The following CSF3R variants were observed in gnomAD, a reference collection of about 807,000 sequenced individuals.
CSF3R encodes the protein granulocyte colony-stimulating factor receptor.
In CSF3R, 52 loss-of-function variants were observed where a neutral mutation model predicts 84.4. The observed-to-expected ratio is 0.62, with a 90% CI of 0.49 to 0.78. CSF3R has a LOEUF of 0.78. CSF3R is among the 30% of genes least tolerant of loss of function. CSF3R has a pLI of 0.00. For synonymous variants in CSF3R, 384 were observed against 429.1 expected, an observed-to-expected ratio of 0.89 and a Z score of 1.30; for missense variants, 890 against 1,055.7, an observed-to-expected ratio of 0.84 and a Z score of 2.17.
At position 36,473,827 on chromosome 1, in the gene CSF3R, A is replaced by G. The variant is rs752675815; in HGVS notation, c.422T>C (p.Ile141Thr). Reference protein sequence around the residue: ...CLMNLTTSSLICQWEPGPETH... With the variant: ...CLMNLTTSSLTCQWEPGPETH... ...CTCAGGTCCTGGCTCCCACTGGCAG[A>G]TGAGGCTGCTGGTTGTGAGGTTCAT... Residue 141 changes from isoleucine to threonine, a missense_variant, in exon 5 of 17, where the codon ATC becomes ACC. Transcript: ENST00000373106. The G allele has an allele frequency of 6.2e-7, 1 of 1,614,198 alleles. No homozygotes were observed. Among genetic ancestry groups the G allele is most frequent in the South Asian group, 1.1e-5 (1 of 91,080 alleles).
At position 36,479,008 on chromosome 1, in the gene CSF3R, A is replaced by G. The variant is rs550310379; in HGVS notation, c.64+425T>C. On this transcript the variant is annotated intron_variant, in intron 3 of 16. Coordinates refer to ENST00000373106, the MANE Select transcript of CSF3R (RefSeq NM_000760.4). ...TAGCTTGCATACCCCTGGGGATGGG[A>G]AGTTCTCTACCTCTCAAGACAGAGT... The G allele has an allele frequency of 6.9e-4, 219 of 317,796 alleles. 3 individuals carry two copies. The highest frequency in any genetic ancestry group is 6.0e-3 in the South Asian group (214 of 35,696). 19.7% of individuals were successfully genotyped at this position (317,796 alleles called of 1,614,324 possible).
intron 3 of CSF3R, among the ~76,000 whole-genome samples, chr1:36,478,451 C>G (rs1195352779): frequency 6.6e-6 from 1 of 151,992 alleles, no homozygotes; most frequent in Non-Finnish European, 1.5e-5. Context: ...ATCGCTTGAA[C>G]CCGGCAGGCG....
Position 36,472,498 on chromosome 1 carries a change from A to G in CSF3R, c.843+19T>C, listed in dbSNP as rs926262171. ...CTGCCCCCACCACCTCAGGCTCTCC[A>G]GGTTGCCCTCTGCCTCACCAGTGCC... is the stretch of plus-strand genomic sequence containing the variant. On this transcript the variant is annotated intron_variant, in intron 7 of 16. Transcript: ENST00000373106. The surrounding 1 kb of genome is among the most constrained non-coding windows in gnomAD (Gnocchi z 5.0). 2 of 1,614,076 alleles carry G rather than the reference A, an allele frequency of 1.2e-6. No individual in the cohort carries two copies. Among genetic ancestry groups the G allele is most frequent in the Admixed American group, 1.7e-5 (1 of 60,022 alleles).
Position 36,466,653 on chromosome 1 carries a change from G to A in CSF3R, c.2215C>T (p.Gln739Ter), listed in dbSNP as rs1650335810. 1 of 1,614,064 alleles carries A rather than the reference G, an allele frequency of 6.2e-7. No individual in the cohort carries two copies. The highest frequency in any genetic ancestry group is 1.7e-5 in the Admixed American group (1 of 60,012). Residue 739 changes from glutamine to a stop codon, truncating the protein, a stop_gained, in exon 17 of 17, where the codon CAG (glutamine) becomes TAG (stop). Coordinates refer to ENST00000373106, the MANE Select transcript of CSF3R (RefSeq NM_000760.4). LOFTEE classifies it high-confidence loss of function. This position sits in a 1 kb window ranked among gnomAD's most constrained non-coding sequence, Gnocchi z 4.6. Reference protein sequence around the residue: ...LQGDPRAVSTQPQSQSGTSDQ... With the variant: ...LQGDPRAVST ...CTGGTGCCAGACTGGGATTGGGGCT[G>A]GGTGGAAACTGCTCTTGGGTCCCCC...
At chr1:36,473,739 G>T (rs1024747406) in intron 5 of CSF3R, 25 bp downstream of exon 5, 2 of 1,614,140 alleles carry the variant, frequency 1.2e-6, no homozygotes, top group South Asian at 2.2e-5. Context: ...AAAGGGAGGG[G>T]ACCAAGGTGG....
intron 3 of CSF3R, among the ~76,000 whole-genome samples, chr1:36,478,461 G>A (rs946307031): frequency 2.6e-5 from 4 of 152,044 alleles, no homozygotes; most frequent in Non-Finnish European, 5.9e-5. Flanking sequence ...CCCGGCAGGC[G>A]GAGGTTGCAG....
Position 36,471,386 on chromosome 1 carries a change from T to A in CSF3R, c.1285+47A>T, listed in dbSNP as rs761470441. ...TAACCCAGGCAGTCTAGCCTTTGAA[T>A]TGATGCGCTTGACCTCTGTGCTCTT... On this transcript the variant is annotated intron_variant, in intron 10 of 16. Coordinates refer to ENST00000373106, the MANE Select transcript of CSF3R (RefSeq NM_000760.4). 15 of 1,566,898 alleles carry A rather than the reference T, an allele frequency of 9.6e-6. No homozygotes were observed. The Admixed American group carries it at 2.2e-4, about 23-fold the overall frequency.
At position 36,466,051 on chromosome 1, in the gene CSF3R, A is replaced by T. The variant is rs1650279756; in HGVS notation, c.*306T>A. 8.1e-6 allele frequency: 13 copies of T among 1,613,536 alleles called. No individual in the cohort carries two copies. Among genetic ancestry groups the T allele is most frequent in the African/African-American group, 1.3e-5 (1 of 74,918 alleles). On this transcript the variant is annotated 3_prime_UTR_variant, in exon 17 of 17. Transcript: ENST00000373106. This position sits in a 1 kb window ranked among gnomAD's most constrained non-coding sequence, Gnocchi z 4.6. The stretch of plus-strand genomic sequence containing the variant: ...AATAACAGAGACTCAGGTACACCCA[A>T]GAGTGTCTATAAACAACAACAAAAA...
At chr1:36,469,106 T>G (rs760117125) in intron 12 of CSF3R, 50 bp downstream of exon 12, 1 of 1,354,630 alleles carries the variant, frequency 7.4e-7, no homozygotes, top group South Asian at 1.2e-5. Context: ...AGGCAGAGCC[T>G]TGGGAGAGAG....
At chr1:36,471,900 T>C (rs1315840389) in intron 9 of CSF3R, 166 bp downstream of exon 9, 3 of 752,620 alleles carry the variant, frequency 4.0e-6, no homozygotes, top group Non-Finnish European at 6.7e-6. Flanking sequence ...TTACAGTCTG[T>C]CCAAAAGCTA....
In CSF3R at chr1:36,467,513, T is replaced by C. The variant is rs764186699; in HGVS notation, c.1958+45A>G. The C allele has an allele frequency of 6.3e-7, 1 of 1,582,314 alleles. No homozygotes were observed. The highest frequency in any genetic ancestry group is 8.7e-7 in the Non-Finnish European group (1 of 1,152,382). ...GGGCCCATCTGGACCTGAGGTTCCC[T>C]GTGGGTGGGGGAAGCAGGATCTCAG... is the stretch of plus-strand genomic sequence containing the variant. On this transcript the variant is annotated intron_variant, in intron 15 of 16. Coordinates refer to ENST00000373106, the MANE Select transcript of CSF3R (RefSeq NM_000760.4). This position sits in a 1 kb window ranked among gnomAD's most constrained non-coding sequence, Gnocchi z 4.1.
At chr1:36,477,279 G>A (rs1651212029) in intron 3 of CSF3R, 1 of 151,432 alleles carries the variant, frequency 6.6e-6, no homozygotes, top group Non-Finnish European at 1.5e-5. Context: ...ATTATTTTGA[G>A]AAGGAGTTTC....
intron 10 of CSF3R, 82 bp from the exon 11 acceptor site, chr1:36,469,922 C>G: frequency 2.0e-6 from 3 of 1,486,974 alleles, no homozygotes; most frequent in Non-Finnish European, 2.8e-6. Flanking sequence ...CAAATCCTGG[C>G]TTTGCTATTT....
intron 3 of CSF3R, chr1:36,479,134 C>T (rs1651361276): frequency 8.7e-6 from 4 of 459,822 alleles, no homozygotes; most frequent in African/African-American, 4.0e-5. Context: ...CCCACCAAGG[C>T]TGCATAGGAC....
At chr1:36,482,176 G>A (rs1651561220) in intron 1 of CSF3R, 1 of 152,280 alleles carries the variant, frequency 6.6e-6, no homozygotes. Flanking sequence ...AAGAGTGACA[G>A]AGTGAGGCGG....
chr1:36,479,009 A>G, intron 3 of CSF3R: 1 of 317,454 alleles, frequency 3.2e-6, no homozygotes, highest in Admixed American at 4.3e-5. Context: ...GGGGATGGGA[A>G]GTTCTCTACC....
rs949262067 is a variant in CSF3R, at chr1:36,473,548, C to G, written c.560G>C (p.Cys187Ser). The G allele has an allele frequency of 8.7e-6, 14 of 1,614,032 alleles. No individual in the cohort carries two copies. The Admixed American group carries it at 1.7e-4, about 19-fold the overall frequency. Residue 187 changes from cysteine (C) to serine (S), a missense_variant, in exon 6 of 17, where the codon TGC (cysteine) becomes TCC (serine). Physicochemically the swap from Cys to Ser is moderately radical, Grantham distance 112. Coordinates refer to ENST00000373106, the MANE Select transcript of CSF3R (RefSeq NM_000760.4). ...CAACAGCAGGTGTTTGCGTGGGATGCAGCAGTGGCTCTGCCCGTCCTTGGG... is the reference window on the plus strand; with the variant it reads ...CAACAGCAGGTGTTTGCGTGGGATGGAGCAGTGGCTCTGCCCGTCCTTGGG... ...CVPKDGQSHC[C>S]IPRKHLLLYQ...
Position 36,472,294 on chromosome 1 carries a change from A to C in CSF3R, c.941T>G (p.Leu314Arg). 10 of 1,614,140 alleles carry C rather than the reference A, an allele frequency of 6.2e-6. No individual in the cohort carries two copies. Among genetic ancestry groups the C allele is most frequent in the Non-Finnish European group, 8.5e-6 (10 of 1,180,010 alleles). ...GCTCCAGTCGCTCCAGTGGCCAGGC[A>C]GGGGCCAGCGGATGCAGCGTATCTG... Reference protein sequence around the residue: ...TLQIRCIRWPLPGHWSDWSPS... With the variant: ...TLQIRCIRWPRPGHWSDWSPS... The change falls in exon 8 of 17, where the codon CTG (leucine) becomes CGG (arginine). Residue 314 changes from leucine to arginine, a missense_variant. Coordinates refer to ENST00000373106, the MANE Select transcript of CSF3R (RefSeq NM_000760.4). The surrounding 1 kb of genome is among the most constrained non-coding windows in gnomAD (Gnocchi z 5.0).
intron 6 of CSF3R, 46 bp downstream of exon 6, chr1:36,473,389 G>A: frequency 6.2e-7 from 1 of 1,603,344 alleles, no homozygotes; most frequent in East Asian, 2.2e-5. Flanking sequence ...ATTCCTCTCA[G>A]TGTCTGCCCA....
Sources: gnomAD v4.1 joint callset for allele counts (sites outside exome capture counted in the v4.1 genomes callset) on GRCh38, gnomAD v4.1.1 for gene constraint, Gnocchi (gnomAD v3.1) non-coding constraint, MANE v1.5 for transcripts, NCBI Gene and HGNC (gene_info 2026-07-23, HGNC 2026-07-21) for gene names.